The following CEP72 variants were observed in gnomAD, a reference collection of about 807,000 sequenced individuals.
CEP72 encodes the protein centrosomal protein of 72 kDa.
In CEP72, 78 loss-of-function variants were observed where a neutral mutation model predicts 65.7. The ratio of observed to expected loss-of-function variants is 1.19; its 90% CI spans 0.99 to 1.43. The LOEUF is 1.43. Among genes scored for constraint, CEP72 ranks in the 40% most tolerant of loss-of-function variants. CEP72 has a pLI of 0.00. For synonymous variants in CEP72, 358 were observed against 351.7 expected (o/e 1.02, Z -0.20); for missense variants, 914 against 832.9 (o/e 1.10, Z -1.20).
chr5:627,800 C>T (rs1736850340), intron 4 of CEP72, among the ~76,000 whole-genome samples: 1 of 152,178 alleles, frequency 6.6e-6, no homozygotes. Flanking sequence ...TAGTATTTTA[C>T]TTGGCTTCAC....
At chr5:641,486 C>T in intron 9 of CEP72, 1 of 985,454 alleles carries the variant, frequency 1.0e-6, no homozygotes, top group Non-Finnish European at 1.2e-6. Context: ...TGGGAACCAA[C>T]ATCTCAGAGA....
rs1205137982 is a variant in CEP72 at position 635,447 on chromosome 5, G to C, written c.767G>C (p.Arg256Thr). The change falls in exon 6 of 12, where the codon AGG becomes ACG. Residue 256 changes from arginine to threonine, a missense_variant. Physicochemically the swap from Arg to Thr is moderately conservative, Grantham distance 71 (BLOSUM62 -1). Transcript: ENST00000264935. Reference protein sequence around the residue: ...GDSGKQGRETRRSSCRGCCLE... With the variant: ...GDSGKQGRETTRSSCRGCCLE... Reference sequence around the variant, plus strand: ...TCTGGGAAGCAGGGCCGTGAGACGAGGAGGAGCAGCTGCAGAGGGTGCTGT... The same window carrying C: ...TCTGGGAAGCAGGGCCGTGAGACGACGAGGAGCAGCTGCAGAGGGTGCTGT... The C allele has an allele frequency of 1.9e-6, 3 of 1,613,984 alleles. No homozygotes were observed. The highest frequency in any genetic ancestry group is 2.2e-5 in the East Asian group (1 of 44,872).
At chr5:626,262 A>C (rs574317429) in intron 4 of CEP72, among the ~76,000 whole-genome samples, 121 of 151,624 alleles carry the variant, frequency 8.0e-4, no homozygotes, top group Non-Finnish European at 1.5e-3. Flanking sequence ...GGCTTCCAGC[A>C]TGATGTTGGG....
chr5:644,027 C>T (rs1026520293), intron 9 of CEP72: 12 of 390,656 alleles, frequency 3.1e-5, no homozygotes, highest in Non-Finnish European at 4.7e-5. Context: ...GCACATGCCT[C>T]AGGGAGACTC....
chr5:614,659 C>G (rs368051648), intron 1 of CEP72, among the ~76,000 whole-genome samples: 1 of 152,122 alleles, frequency 6.6e-6, no homozygotes, highest in African/African-American at 2.4e-5. Flanking sequence ...CCGCGCCCGG[C>G]CTGACCTGTG....
At chr5:612,716 C>T in intron 1 of CEP72, 3 of 828,552 alleles carry the variant, frequency 3.6e-6, no homozygotes, top group Non-Finnish European at 4.4e-6. Context: ...GTTACATCCG[C>T]TGAGAAGAGG....
chr5:613,257 G>A (rs1735787951), intron 1 of CEP72, among the ~76,000 whole-genome samples: 1 of 152,170 alleles, frequency 6.6e-6, no homozygotes, highest in African/African-American at 2.4e-5. Flanking sequence ...TGCTGTGGGG[G>A]CCACAGGCCA....
chr5:638,732 G>T (rs1009422530), intron 7 of CEP72, among the ~76,000 whole-genome samples: 2 of 152,168 alleles, frequency 1.3e-5, no homozygotes, highest in African/African-American at 4.8e-5. Flanking sequence ...GACTGTGGGT[G>T]CAGGCTGCTT....
chr5:631,605 G>A (rs544686090), intron 4 of CEP72, among the ~76,000 whole-genome samples: 13 of 33,190 alleles, frequency 3.9e-4, no homozygotes, highest in South Asian at 1.3e-3. Context: ...GCCGGGATTT[G>A]GACCAGTCCT....
chr5:669,323 G>A (rs1740100572), downstream of CEP72, among the ~76,000 whole-genome samples: 3 of 151,586 alleles, frequency 2.0e-5, no homozygotes, highest in Non-Finnish European at 2.9e-5. Flanking sequence ...TGGCGTGGGG[G>A]TCCGCGGTGT....
intron 7 of CEP72, among the ~76,000 whole-genome samples, chr5:638,340 AG>A (rs1274814557): frequency 1.3e-5 from 2 of 152,158 alleles, no homozygotes; most frequent in Non-Finnish European, 2.9e-5. Context: ...CCTAGAGGTC[AG>A]GGGGACAACT....
the CEP72 span, among the ~76,000 whole-genome samples, chr5:672,946 C>T: frequency 7.9e-5 from 12 of 152,224 alleles, no homozygotes; most frequent in African/African-American, 2.4e-4. Context: ...AACAAAGGCT[C>T]GCAGATACCC....
chr5:644,506 A>G, intron 10 of CEP72, 81 bp downstream of exon 10: 1 of 1,492,792 alleles, frequency 6.7e-7, no homozygotes, highest in South Asian at 1.2e-5. Context: ...TAAATTCTTC[A>G]CTGAGGGAAG....
chr5:674,403 C>T, the CEP72 span, among the ~76,000 whole-genome samples: 2 of 152,186 alleles, frequency 1.3e-5, no homozygotes, highest in African/African-American at 2.4e-5. Context: ...CCCTTGCCCA[C>T]GCAGGCTCTG....
At chr5:618,245 G>A (rs1736123116) in intron 1 of CEP72, among the ~76,000 whole-genome samples, 1 of 152,156 alleles carries the variant, frequency 6.6e-6, no homozygotes, top group East Asian at 1.9e-4. Context: ...AACATAAGCC[G>A]AAACTTCAGG....
chr5:639,206 A>G lies in CEP72; in HGVS notation c.1324A>G (p.Ser442Gly), dbSNP rs1177745077. The change falls in exon 8 of 12, where the codon AGC (serine) becomes GGC (glycine). Residue 442 changes from serine to glycine, a missense_variant. By Grantham distance (56) the Ser-to-Gly change is moderately conservative. Coordinates refer to ENST00000264935, the MANE Select transcript of CEP72 (RefSeq NM_018140.4). ...CTGGGGCGGCTGCAGGTCCCTGCAC[A>G]GCAACGAGGCATTCCTTGGTGAGTC... ...RSWGGCRSLH[S>G]NEAFLAQARH... 2 of 1,583,586 alleles carry G rather than the reference A, an allele frequency of 1.3e-6. No homozygotes were observed. Among genetic ancestry groups the G allele is most frequent in the South Asian group, 1.1e-5 (1 of 88,908 alleles).
rs1470427398 is a variant in CEP72 at position 653,068 on chromosome 5, T to C, written c.1859T>C (p.Met620Thr). 3.7e-6 allele frequency: 6 copies of C among 1,613,794 alleles called. No individual in the cohort carries two copies. The highest frequency in any genetic ancestry group is 5.1e-6 in the Non-Finnish European group (6 of 1,180,022). Residue 620 changes from methionine to threonine, a missense_variant, in exon 12 of 12, where the codon ATG becomes ACG. Coordinates refer to ENST00000264935, the MANE Select transcript of CEP72 (RefSeq NM_018140.4). ...RAQHRAEVEQMHWSYQELKKT... is the reference protein window; with the variant it reads ...RAQHRAEVEQTHWSYQELKKT... ...CAGCACAGAGCCGAGGTGGAGCAGA[T>C]GCACTGGAGCTACCAGGAGCTCAAG... is the stretch of plus-strand genomic sequence containing the variant.
At position 640,751 on chromosome 5, in the gene CEP72, G is replaced by A. The variant is rs58745229; in HGVS notation, c.1539+147G>A. Reference sequence around the variant, plus strand: ...TGTCTCCACTCCCTGCCCGGGACCCGGCCACCCCCGGAACGCGGCCTGCCC... The same window carrying A: ...TGTCTCCACTCCCTGCCCGGGACCCAGCCACCCCCGGAACGCGGCCTGCCC... On this transcript the variant is annotated intron_variant, in intron 9 of 11. Coordinates refer to ENST00000264935, the MANE Select transcript of CEP72 (RefSeq NM_018140.4). The A allele has an allele frequency of 4.4e-3, 6,288 of 1,436,598 alleles. 252 individuals are homozygous for A. In the African/African-American group the frequency reaches 0.08, roughly 18 times the overall value. The allele number at this position is 1,436,598 out of a possible 1,614,324, so 89.0% of individuals were successfully genotyped here.
downstream of CEP72, among the ~76,000 whole-genome samples, chr5:656,103 C>CGCCTG (rs1177324791): frequency 2.0e-5 from 3 of 152,304 alleles, no homozygotes; most frequent in Admixed American, 1.3e-4. Context: ...TGTTGTGAAG[C>CGCCTG]TTAAGGATCC....
Sources: gnomAD v4.1 joint callset for allele counts (sites outside exome capture counted in the v4.1 genomes callset) on GRCh38, gnomAD v4.1.1 for gene constraint, MANE v1.5 for transcripts, NCBI Gene and HGNC (gene_info 2026-07-23, HGNC 2026-07-21) for gene names.